Variants in DAB1 observed in about 807,000 individuals in gnomAD.
The protein encoded by DAB1 is disabled homolog 1.
In DAB1, 15 loss-of-function variants were observed where a neutral mutation model predicts 64.6. The ratio of observed to expected loss-of-function variants is 0.23; its 90% CI spans 0.16 to 0.36. The LOEUF (loss-of-function observed/expected upper bound fraction) is 0.36, where lower values mean the gene tolerates loss of function less well. DAB1 is among the 10% of genes least tolerant of loss of function. The probability of loss-of-function intolerance (pLI) is 1.00; values close to 1 mark genes in which losing one functional copy is unlikely to be tolerated. For synonymous variants in DAB1, 235 were observed against 251.9 expected, an observed-to-expected ratio of 0.93 and a Z score of 0.64; for missense variants, 596 against 706.7, an observed-to-expected ratio of 0.84 and a Z score of 1.78.
At chr1:57,191,927 A>T (rs674535) in intron 2 of DAB1, among the ~76,000 whole-genome samples, 1 of 151,898 alleles carries the variant, frequency 6.6e-6, no homozygotes, top group Non-Finnish European at 1.5e-5. Flanking sequence ...GAAATTGAAC[A>T]GAGGGCCATA....
chr1:57,138,612 A>AGATT (rs1200677832), intron 3 of DAB1, among the ~76,000 whole-genome samples: 3 of 152,124 alleles, frequency 2.0e-5, no homozygotes, highest in Non-Finnish European at 4.4e-5. Context: ...AATGGTTTCT[A>AGATT]GATTGCTCAA....
At position 58,371,197 on chromosome 1, in the gene DAB1, A is replaced by T. The variant is rs530777515; in HGVS notation, n.258-27794T>A. Among the ~76,000 whole-genome samples the T allele has an allele frequency of 3.9e-5, 6 of 152,318 alleles. No homozygotes were observed. The East Asian group carries it at 1.2e-3, about 29-fold the overall frequency. ...ATGAAGTCTGGGCTGAGGTGGTCTC[A>T]GATGGAGATGAGGAACTTATTGGGA... is the stretch of plus-strand genomic sequence containing the variant. On this transcript the variant is annotated intron_variant and non_coding_transcript_variant, in intron 3 of 20. Transcript: ENST00000485760.
intron 4 of DAB1, among the ~76,000 whole-genome samples, chr1:58,164,843 T>C (rs1431985543): frequency 6.6e-6 from 1 of 152,214 alleles, no homozygotes; most frequent in Non-Finnish European, 1.5e-5. Context: ...TTTCAGCATC[T>C]GCTTAACATA....
intron 4 of DAB1, among the ~76,000 whole-genome samples, chr1:58,233,080 G>A (rs1250719547): frequency 6.6e-6 from 1 of 152,140 alleles, no homozygotes. Context: ...GTGCCAGATA[G>A]GTGTGATTCA....
At chr1:57,156,386 A>C (rs1383390566) in intron 2 of DAB1, among the ~76,000 whole-genome samples, 1 of 152,044 alleles carries the variant, frequency 6.6e-6, no homozygotes, top group African/African-American at 2.4e-5. Flanking sequence ...CTCTTCTCCA[A>C]CTGTCTCCTC....
chr1:57,705,558 T>A (rs7520709), intron 6 of DAB1, among the ~76,000 whole-genome samples: 3 of 152,142 alleles, frequency 2.0e-5, no homozygotes, highest in Non-Finnish European at 4.4e-5. Context: ...AGATATTCAT[T>A]CTTTTCTATT....
chr1:57,997,962 T>A (rs1646451931), intron 5 of DAB1, among the ~76,000 whole-genome samples: 1 of 151,998 alleles, frequency 6.6e-6, no homozygotes, highest in South Asian at 2.1e-4. Flanking sequence ...ATATGATCAG[T>A]GCCAGAAGAG....
intron 1 of DAB1, among the ~76,000 whole-genome samples, chr1:57,829,213 A>G (rs1293183489): frequency 6.6e-6 from 1 of 152,226 alleles, no homozygotes; most frequent in East Asian, 1.9e-4. Flanking sequence ...AAAGTGAATT[A>G]TGAGACAGTA....
chr1:58,202,306 T>G (rs913272962), intron 4 of DAB1, among the ~76,000 whole-genome samples: 1 of 152,212 alleles, frequency 6.6e-6, no homozygotes, highest in Non-Finnish European at 1.5e-5. Context: ...TATTTCTCCA[T>G]TGGTTTAAGA....
At chr1:57,026,590 A>T (rs1646797013) in intron 9 of DAB1, among the ~76,000 whole-genome samples, 1 of 152,238 alleles carries the variant, frequency 6.6e-6, no homozygotes, top group Admixed American at 6.5e-5. Flanking sequence ...GCCACGATTT[A>T]AATTTTCTGA....
At position 57,072,363 on chromosome 1, in the gene DAB1, T is replaced by C. The variant is rs1363269273; in HGVS notation, c.358A>G (p.Ile120Val). 2.5e-5 allele frequency: 40 copies of C among 1,613,750 alleles called. No homozygotes were observed. The highest frequency in any genetic ancestry group is 3.3e-5 in the Non-Finnish European group (39 of 1,179,810). The change falls in exon 5 of 15, where the codon ATT becomes GTT. Residue 120 changes from isoleucine to valine, a missense_variant. Transcript: ENST00000371236. ...VHEISYIAKDITDHRAFGYVC... is the reference protein window; with the variant it reads ...VHEISYIAKDVTDHRAFGYVC... ...TATCCAAAGGCCCGGTGATCTGTAA[T>C]GTCCTTTGCAATGTAGGATATTTCA...
chr1:57,300,021 C>A (rs575471154), intron 1 of DAB1, among the ~76,000 whole-genome samples: 1 of 152,110 alleles, frequency 6.6e-6, no homozygotes, highest in Non-Finnish European at 1.5e-5. Flanking sequence ...CATACAGCTG[C>A]GTGTCTGTCT....
chr1:58,118,497 TATATATAC>T (rs1413548231), intron 5 of DAB1, among the ~76,000 whole-genome samples: 3 of 83,992 alleles, frequency 3.6e-5, no homozygotes, highest in African/African-American at 1.7e-4. Context: ...TATATATATA[TATATATAC>T]ACACACACAC....
chr1:58,161,252 A>C (rs1008766087), intron 4 of DAB1, among the ~76,000 whole-genome samples: 1 of 152,226 alleles, frequency 6.6e-6, no homozygotes, highest in Non-Finnish European at 1.5e-5. Context: ...TAGAGAGCGC[A>C]AGTTCAATTG....
chr1:58,434,820 TC>T (rs1341675611), intron 3 of DAB1, among the ~76,000 whole-genome samples: 2 of 152,136 alleles, frequency 1.3e-5, no homozygotes, highest in African/African-American at 2.4e-5. Flanking sequence ...CTCACTCACT[TC>T]CTTCTCAAAC....
chr1:57,184,614 C>T (rs371231707), intron 2 of DAB1, among the ~76,000 whole-genome samples: 85 of 152,272 alleles, frequency 5.6e-4, no homozygotes, highest in African/African-American at 1.9e-3. Flanking sequence ...GACGACATTT[C>T]CATTTCTCCC....
Position 57,277,373 on chromosome 1 carries a change from C to T in DAB1, c.67+13591G>A, listed in dbSNP as rs1012473695. Among the ~76,000 whole-genome samples the T allele has an allele frequency of 2.0e-4, 30 of 152,082 alleles. 1 individual carries two copies. Among genetic ancestry groups the T allele is most frequent in the South Asian group, 2.1e-4 (1 of 4,824 alleles). On this transcript the variant is annotated intron_variant, in intron 2 of 14. Transcript: ENST00000371236. ...TACATTAGTCTTCTCCCTATGAAAA[C>T]GGTTTTTTTTCCTACAAACATATAT...
chr1:57,866,719 T>C (rs1041785062), intron 1 of DAB1, among the ~76,000 whole-genome samples: 1 of 152,172 alleles, frequency 6.6e-6, no homozygotes, highest in Non-Finnish European at 1.5e-5. Context: ...ACTCCACAAA[T>C]GACAGGTATT....
At chr1:57,811,040 G>C (rs1044714654) in intron 6 of DAB1, among the ~76,000 whole-genome samples, 3 of 152,180 alleles carry the variant, frequency 2.0e-5, no homozygotes, top group Admixed American at 6.5e-5. Context: ...TGGTCACATT[G>C]CCTTCTCCTT....
Sources: allele counts gnomAD v4.1 joint callset (sites outside exome capture counted in the v4.1 genomes callset), GRCh38; gene constraint gnomAD v4.1.1; transcripts MANE v1.5; gene names NCBI Gene and HGNC (gene_info 2026-07-23, HGNC 2026-07-21).